NHS: variants seen among roughly 807,000 people sequenced by gnomAD.
The protein encoded by NHS is actin remodeling regulator NHS.
Under a neutral mutation model 72.5 loss-of-function variants are expected in NHS, and 5 were observed. That is an observed-to-expected ratio of 0.07 (90% confidence interval 0.04 to 0.14). The LOEUF (loss-of-function observed/expected upper bound fraction) is 0.14. Ranked by LOEUF, NHS falls within the 10% of genes least tolerant of loss-of-function variation. The pLI is 1.00. For missense variants in NHS, 1,072 were observed against 1,355.7 expected (o/e 0.79, Z 3.29); for synonymous variants, 464 against 547.7 (o/e 0.85, Z 2.13).
At chrX:17,476,944 C>T (rs1369119224) in intron 1 of NHS, among the ~76,000 whole-genome samples, 1 of 112,305 alleles carries the variant, frequency 8.9e-6, no homozygotes, top group Non-Finnish European at 1.9e-5. Flanking sequence ...GGGGCACTGA[C>T]AGTGTCTGCT....
chrX:17,529,681 T>C, intron 1 of NHS, among the ~76,000 whole-genome samples: 1 of 112,057 alleles, frequency 8.9e-6, no homozygotes, highest in East Asian at 2.8e-4. Flanking sequence ...GTCTTTGAAT[T>C]ATGTATTCAA....
At chrX:17,394,802 A>G (rs917896226) in intron 1 of NHS, among the ~76,000 whole-genome samples, 1 of 111,156 alleles carries the variant, frequency 9.0e-6, no homozygotes, top group African/African-American at 3.3e-5. Context: ...GAGTGTTATC[A>G]ACAGGATTCT....
intron 1 of NHS, among the ~76,000 whole-genome samples, chrX:17,574,177 C>T (rs2065497291): frequency 8.9e-6 from 1 of 112,061 alleles, no homozygotes; most frequent in Middle Eastern, 4.2e-3. Flanking sequence ...CATTAGAGCT[C>T]GAACGCCATG....
intron 1 of NHS, among the ~76,000 whole-genome samples, chrX:17,472,858 C>T (rs187513963): frequency 1.8e-5 from 2 of 111,837 alleles, no homozygotes; most frequent in South Asian, 3.7e-4. Context: ...ATATCAAAGG[C>T]GTGTTTCTTT....
At chrX:17,404,071 G>A (rs765821111) in intron 1 of NHS, among the ~76,000 whole-genome samples, 3 of 112,107 alleles carry the variant, frequency 2.7e-5, no homozygotes, top group Non-Finnish European at 3.8e-5. Context: ...AAATCACCTC[G>A]CTGTCCTGTC....
At chrX:17,723,613 C>G (rs1205105460) in intron 5 of NHS, among the ~76,000 whole-genome samples, 1 of 111,162 alleles carries the variant, frequency 9.0e-6, no homozygotes, top group African/African-American at 3.3e-5. Flanking sequence ...GAAAAGACAT[C>G]TCATGCTAAA....
At chrX:17,561,450 G>C (rs58844313) in intron 1 of NHS, among the ~76,000 whole-genome samples, 21,735 of 109,009 alleles carry the variant, frequency 0.2, 4,795 homozygotes, top group African/African-American at 0.65. Context: ...AAAAAGTCCC[G>C]TCTTGTAGGG....
At chrX:17,718,654 G>A (rs1338092804) in intron 3 of NHS, among the ~76,000 whole-genome samples, 1 of 96,439 alleles carries the variant, frequency 1.0e-5, no homozygotes, top group Non-Finnish European at 2.1e-5. Context: ...AAGAAGGAAG[G>A]AAGGGAAGTA....
chrX:17,509,206 AATTTATTTATTTATTT>A (rs10691839), intron 1 of NHS, among the ~76,000 whole-genome samples: 5 of 98,227 alleles, frequency 5.1e-5, no homozygotes, highest in East Asian at 3.2e-4. Flanking sequence ...AGTTACAAGT[AATTTATTTATTTATTT>A]ATTTATTTAT....
intron 1 of NHS, among the ~76,000 whole-genome samples, chrX:17,453,747 T>A (rs2064815313): frequency 8.9e-6 from 1 of 112,328 alleles, no homozygotes; most frequent in Non-Finnish European, 1.9e-5. Context: ...GAACCCCTGC[T>A]CAAGGATGTA....
chrX:17,511,029 G>A (rs1270151358), intron 1 of NHS, among the ~76,000 whole-genome samples: 1 of 111,938 alleles, frequency 8.9e-6, no homozygotes, highest in Non-Finnish European at 1.9e-5. Context: ...CATGGGTGGT[G>A]AGGTGGGATT....
At chrX:17,723,770 T>TGTGTGTGTGTGTGAGC (rs541219770) in intron 5 of NHS, among the ~76,000 whole-genome samples, 1 of 91,319 alleles carries the variant, frequency 1.1e-5, no homozygotes, top group Non-Finnish European at 2.1e-5. Context: ...TGTGTGTGTG[T>TGTGTGTGTGTGTGAGC]GCGCGCGCGT....
At chrX:17,468,880 T>C (rs2064880761) in intron 1 of NHS, among the ~76,000 whole-genome samples, 1 of 111,417 alleles carries the variant, frequency 9.0e-6, no homozygotes, top group South Asian at 3.8e-4. Flanking sequence ...AATTGAAGCA[T>C]AACATACACA....
intron 1 of NHS, among the ~76,000 whole-genome samples, chrX:17,388,250 A>G (rs771312900): frequency 8.9e-6 from 1 of 112,108 alleles, no homozygotes; most frequent in African/African-American, 3.2e-5. Context: ...TTATGTTTCA[A>G]TGGAGAGAGA....
At chrX:17,454,151 T>G (rs2064816900) in intron 1 of NHS, among the ~76,000 whole-genome samples, 1 of 111,977 alleles carries the variant, frequency 8.9e-6, no homozygotes, top group African/African-American at 3.3e-5. Context: ...AAATTTTGTA[T>G]AGGAGCCCAA....
At chrX:17,716,828 C>T (rs923427171) in intron 3 of NHS, among the ~76,000 whole-genome samples, 1 of 111,381 alleles carries the variant, frequency 9.0e-6, no homozygotes, top group African/African-American at 3.3e-5. Context: ...AGCATCCATC[C>T]TTGCTTCCAT....
chrX:17,376,241 C>T lies in NHS; in HGVS notation c.484C>T (p.Arg162Cys), dbSNP rs745648326. The change falls in exon 1 of 9, where the codon CGC becomes TGC. Residue 162 changes from arginine (R) to cysteine (C), a missense_variant. Transcript: ENST00000676302. The stretch of plus-strand genomic sequence containing the variant: ...CGAGAGCGACATCCAGCTCACCCAC[C>T]GCCGCGTCTGGGCGCTGCAGGGCAA... ...ELESDIQLTH[R>C]RVWALQGKLG... The T allele has an allele frequency of 5.9e-6, 7 of 1,178,466 alleles. No homozygotes were observed. The highest frequency in any genetic ancestry group is 2.3e-5 in the Admixed American group (1 of 43,583).
In NHS at chrX:17,721,503, A is replaced by G; in HGVS notation, c.978A>G (p.Ile326Met). Residue 326 changes from isoleucine (I) to methionine (M), a missense_variant, in exon 5 of 9, where the codon ATA becomes ATG. Coordinates refer to ENST00000676302, the MANE Select transcript of NHS (RefSeq NM_001291867.2). ...VMLGQRPKNP[I>M]HNIPSTLDKQ... ...TAGGGCAGAGGCCGAAAAACCCAATACACAATATCCCTTCCACACTGGACA... is the reference window on the plus strand; with the variant it reads ...TAGGGCAGAGGCCGAAAAACCCAATGCACAATATCCCTTCCACACTGGACA... 1 of 1,211,519 alleles carries G rather than the reference A, an allele frequency of 8.3e-7. No individual in the cohort carries two copies. The highest frequency in any genetic ancestry group is 1.1e-6 in the Non-Finnish European group (1 of 895,375).
intron 1 of NHS, among the ~76,000 whole-genome samples, chrX:17,458,269 C>G (rs976255883): frequency 3.6e-5 from 4 of 111,507 alleles, no homozygotes; most frequent in Admixed American, 9.5e-5. Flanking sequence ...GCTCTGTGTC[C>G]CAGGCTGGAG....
Sources: gnomAD v4.1 joint callset for allele counts (sites outside exome capture counted in the v4.1 genomes callset) on GRCh38, gnomAD v4.1.1 for gene constraint, MANE v1.5 for transcripts, NCBI Gene and HGNC (gene_info 2026-07-23, HGNC 2026-07-21) for gene names.